SEC61G: variants seen among roughly 807,000 people sequenced by gnomAD.
SEC61G encodes the protein protein transport protein Sec61 subunit gamma.
SEC61G carries 4 observed loss-of-function variants against 7.5 expected under a neutral mutation model. The ratio of observed to expected loss-of-function variants is 0.54; its 90% confidence interval spans 0.26 to 1.22. The LOEUF is 1.22. Ranked by LOEUF, SEC61G falls within the 50% of genes most tolerant of loss-of-function variation. SEC61G has a pLI of 0.12. For synonymous variants in SEC61G, 24 were observed against 24.4 expected (o/e 0.98, Z 0.05); for missense variants, 53 against 84.6 (o/e 0.63, Z 1.46).
At chr7:54,752,961 T>C (rs896871134) in intron 3 of SEC61G, among the ~76,000 whole-genome samples, 5 of 152,182 alleles carry the variant, frequency 3.3e-5, no homozygotes, top group Admixed American at 1.3e-4. Context: ...ATTTTAGTAA[T>C]GTTAAAGCAA....
At chr7:54,756,971 A>G (rs372894781) in intron 2 of SEC61G, among the ~76,000 whole-genome samples, 1 of 97,752 alleles carries the variant, frequency 1.0e-5, no homozygotes, top group East Asian at 3.1e-4. Flanking sequence ...TATACTATAT[A>G]TACTATATAC....
chr7:54,755,957 T>A (rs1269043496), intron 2 of SEC61G, 76 bp from the exon 3 acceptor site: 1 of 707,178 alleles, frequency 1.4e-6, no homozygotes, highest in African/African-American at 1.8e-5. Context: ...ATCAGCAACA[T>A]AAATGAACTT....
At position 54,755,883 on chromosome 7, in the gene SEC61G, T is replaced by C; in HGVS notation, c.95-2A>G. The C allele has an allele frequency of 6.4e-7, 1 of 1,563,262 alleles. No individual in the cohort carries two copies. The highest frequency in any genetic ancestry group is 1.2e-5 in the South Asian group (1 of 83,454). On this transcript the variant is annotated splice_acceptor_variant, in intron 2 of 3. Coordinates refer to ENST00000352861, the MANE Select transcript of SEC61G (RefSeq NM_014302.4). LOFTEE classifies it high-confidence loss of function. ...TTGCCATGGCAATCTTCTGGAATTCTGCATTTAAAAACAGGAAATTCACAT... is the reference window on the plus strand; with the variant it reads ...TTGCCATGGCAATCTTCTGGAATTCCGCATTTAAAAACAGGAAATTCACAT...
chr7:54,756,113 C>T (rs528136586), intron 2 of SEC61G, among the ~76,000 whole-genome samples: 1 of 152,174 alleles, frequency 6.6e-6, no homozygotes, highest in South Asian at 2.1e-4. Flanking sequence ...GCATATCTGT[C>T]CTAGTGAGTT....
intron 3 of SEC61G, among the ~76,000 whole-genome samples, chr7:54,752,867 T>C (rs1280300816): frequency 6.6e-6 from 1 of 152,194 alleles, no homozygotes; most frequent in African/African-American, 2.4e-5. Flanking sequence ...GGGTTAGTCA[T>C]GATGAAAACA....
At chr7:54,754,752 A>C (rs770572775) in intron 3 of SEC61G, 2 of 152,160 alleles carry the variant, frequency 1.3e-5, no homozygotes, top group Non-Finnish European at 2.9e-5. Context: ...CCATAAAATC[A>C]ATTGATATTA....
chr7:54,759,084 C>A (rs1791582492), intron 1 of SEC61G, 74 bp downstream of exon 1: 16 of 455,012 alleles, frequency 3.5e-5, no homozygotes, highest in South Asian at 2.3e-4. Flanking sequence ...GGCTCGCCCA[C>A]GCCCGCTGCC....
intron 3 of SEC61G, among the ~76,000 whole-genome samples, chr7:54,753,634 C>T (rs1791454727): frequency 6.6e-6 from 1 of 152,160 alleles, no homozygotes. Context: ...AGTAAGTTTT[C>T]TGTAGTGTCT....
chr7:54,754,931 T>C (rs1451920040), intron 3 of SEC61G: 1 of 152,128 alleles, frequency 6.6e-6, no homozygotes, highest in East Asian at 1.9e-4. Flanking sequence ...TATTATCAGG[T>C]AATAATAGAT....
At chr7:54,754,423 C>T (rs747059698) in intron 3 of SEC61G, among the ~76,000 whole-genome samples, 1 of 152,188 alleles carries the variant, frequency 6.6e-6, no homozygotes, top group Non-Finnish European at 1.5e-5. Flanking sequence ...CCTCATTCTA[C>T]TTCAGTATTC....
intron 1 of SEC61G, among the ~76,000 whole-genome samples, chr7:54,758,412 T>C (rs566340747): frequency 6.6e-6 from 1 of 152,302 alleles, no homozygotes; most frequent in Admixed American, 6.5e-5. Flanking sequence ...CAGGTGGTAG[T>C]TCAAATCACT....
rs116237033 is a variant in SEC61G, at chr7:54,756,737, G to A, written c.94+758C>T. Among the ~76,000 whole-genome samples the A allele has an allele frequency of 7.7e-3, 1,174 of 152,036 alleles. 12 individuals carry two copies. The highest frequency in any genetic ancestry group is 0.026 in the African/African-American group (1,097 of 41,482). On this transcript the variant is annotated intron_variant, in intron 2 of 3. Coordinates refer to ENST00000352861, the MANE Select transcript of SEC61G (RefSeq NM_014302.4). The stretch of plus-strand genomic sequence containing the variant: ...TAAGAGAAGCTTTCCCTGATCTCCT[G>A]ACTTGGTTAGTCCTCCTATTATGTG...
intron 3 of SEC61G, among the ~76,000 whole-genome samples, chr7:54,754,559 A>T (rs1791471516): frequency 6.6e-6 from 1 of 152,228 alleles, no homozygotes; most frequent in Non-Finnish European, 1.5e-5. Context: ...GATCCTGAAT[A>T]TCACTTTGTG....
At chr7:54,759,080 C>A (rs1791582303) in intron 1 of SEC61G, 78 bp downstream of exon 1, 2 of 449,014 alleles carry the variant, frequency 4.5e-6, no homozygotes, top group Non-Finnish European at 9.1e-6. Context: ...CGCCGGCTCG[C>A]CCACGCCCGC....
rs764718763 is a variant in SEC61G, at chr7:54,752,426, A to C, written c.198-6T>G. ...CAAAATGTATTCAGCCACCACTGTA[A>C]AAGAAAGAAAAATTATTACTTCTGA... is the stretch of plus-strand genomic sequence containing the variant. On this transcript the variant is annotated splice_region_variant and splice_polypyrimidine_tract_variant and intron_variant, in intron 3 of 3. Transcript: ENST00000352861. The C allele has an allele frequency of 6.7e-7, 1 of 1,496,030 alleles. No individual in the cohort carries two copies. The highest frequency in any genetic ancestry group is 1.2e-5 in the South Asian group (1 of 80,972). 92.7% of individuals were successfully genotyped at this position (1,496,030 alleles called of 1,614,324 possible). A position where few individuals can be genotyped will look rare whatever the true frequency, so the allele number is the denominator to read the frequency against.
chr7:54,757,650 G>A, intron 1 of SEC61G, 56 bp from the exon 2 acceptor site: 2 of 1,392,526 alleles, frequency 1.4e-6, no homozygotes, highest in South Asian at 2.3e-5. Flanking sequence ...ATAAGCACTT[G>A]CTCATTTATA....
In SEC61G at chr7:54,752,355, CA is replaced by C. The variant is rs1452147322; in HGVS notation, c.*55del. ...AAATTTGTATTCTGTGAGTTTCTCACACCCTCACACTTGTTCACCAATCTCT... is the reference window on the plus strand; with the variant it reads ...AAATTTGTATTCTGTGAGTTTCTCACCCCTCACACTTGTTCACCAATCTCT... On this transcript the variant is annotated 3_prime_UTR_variant, in exon 4 of 4. Transcript: ENST00000352861. 1.5e-6 allele frequency: 2 copies of C among 1,292,078 alleles called. No homozygotes were observed. The highest frequency in any genetic ancestry group is 3.0e-5 in the African/African-American group (2 of 65,746). 80.0% of individuals were successfully genotyped at this position (1,292,078 alleles called of 1,614,324 possible). A position where few individuals can be genotyped will look rare whatever the true frequency, so the allele number is the denominator to read the frequency against.
chr7:54,752,311 A>C lies in SEC61G; in HGVS notation c.*100T>G, dbSNP rs974003136. The stretch of plus-strand genomic sequence containing the variant: ...AAACATCTTGAAAGGAAAAAAAAAA[A>C]CCCACAAAACATACAGGCAAATTTG... On this transcript the variant is annotated 3_prime_UTR_variant, in exon 4 of 4. Coordinates refer to ENST00000352861, the MANE Select transcript of SEC61G (RefSeq NM_014302.4). 46 of 718,394 alleles carry C rather than the reference A, an allele frequency of 6.4e-5. No homozygotes were observed. The highest frequency in any genetic ancestry group is 8.8e-5 in the Non-Finnish European group (39 of 444,560). 44.5% of individuals were successfully genotyped at this position (718,394 alleles called of 1,614,324 possible). A position where few individuals can be genotyped will look rare whatever the true frequency, so the allele number is the denominator to read the frequency against.
In SEC61G at chr7:54,752,511, G is replaced by A. The variant is rs372744128; in HGVS notation, c.198-91C>T. ...AAATGCAATATGCTATAACTTTAACGGCTCAAGACCAATTATGTGAATCCC... is the reference window on the plus strand; with the variant it reads ...AAATGCAATATGCTATAACTTTAACAGCTCAAGACCAATTATGTGAATCCC... On this transcript the variant is annotated intron_variant, in intron 3 of 3. Transcript: ENST00000352861. 6.0e-5 allele frequency: 43 copies of A among 714,166 alleles called. No homozygotes were observed. The South Asian group carries it at 9.1e-4, about 15-fold the overall frequency. The allele number at this position is 714,166 out of a possible 1,614,324, so 44.2% of individuals were successfully genotyped here.
Sources: allele counts gnomAD v4.1 joint callset (sites outside exome capture counted in the v4.1 genomes callset), GRCh38; gene constraint gnomAD v4.1.1; transcripts MANE v1.5; gene names NCBI Gene and HGNC (gene_info 2026-07-23, HGNC 2026-07-21).